The following FOXK2 variants were observed in gnomAD, a reference collection of about 807,000 sequenced individuals.
FOXK2 encodes the protein forkhead box protein K2.
Under a neutral mutation model 53.3 loss-of-function variants are expected in FOXK2, and 24 were observed. That is an observed-to-expected ratio of 0.45 (90% CI 0.33 to 0.63). The LOEUF (loss-of-function observed/expected upper bound fraction) is 0.63. FOXK2 is among the 30% of genes least tolerant of loss of function. The pLI is 0.03. For missense variants in FOXK2, 952 were observed against 910.5 expected (o/e 1.05, Z -0.59); for synonymous variants, 505 against 407.1 (o/e 1.24, Z -2.89).
chr17:82,560,944 G>A (rs1169373763), intron 1 of FOXK2, among the ~76,000 whole-genome samples: 4 of 152,194 alleles, frequency 2.6e-5, no homozygotes, highest in East Asian at 1.9e-4. Context: ...CTGGGTCATA[G>A]GGGTCTTTGT....
chr17:82,572,153 T>C (rs1312331464), intron 4 of FOXK2: 1 of 301,150 alleles, frequency 3.3e-6, no homozygotes, highest in African/African-American at 2.2e-5. Context: ...GTGTGGATTG[T>C]TTGAGATATT....
At chr17:82,566,720 C>T (rs1377378826) in intron 2 of FOXK2, among the ~76,000 whole-genome samples, 2 of 152,184 alleles carry the variant, frequency 1.3e-5, no homozygotes, top group East Asian at 1.9e-4. Context: ...TCCGCCTCTC[C>T]TCCCACCTGC....
In FOXK2 at chr17:82,582,625, C is replaced by T. The variant is rs561415475; in HGVS notation, c.910-116C>T. 1.8e-5 allele frequency: 14 copies of T among 769,098 alleles called. No homozygotes were observed. The East Asian group carries it at 3.8e-4, about 21-fold the overall frequency. The allele number at this position is 769,098 out of a possible 1,614,324, so 47.6% of individuals were successfully genotyped here. A position where few individuals can be genotyped will look rare whatever the true frequency, so the allele number is the denominator to read the frequency against. On this transcript the variant is annotated intron_variant, in intron 4 of 8. Transcript: ENST00000335255. Reference sequence around the variant, plus strand: ...GCAAAAGAAAAAAAATTCACTCTTGCAGTCTGCCAGGCCCAACATGTAGGT... The same window carrying T: ...GCAAAAGAAAAAAAATTCACTCTTGTAGTCTGCCAGGCCCAACATGTAGGT...
intron 8 of FOXK2, among the ~76,000 whole-genome samples, chr17:82,594,269 C>T (rs113231817): frequency 2.0e-5 from 3 of 152,054 alleles, no homozygotes; most frequent in South Asian, 2.1e-4. Flanking sequence ...GAGGCCGAGG[C>T]GGGCGGATCA....
chr17:82,525,911 T>C (rs1339370016), intron 1 of FOXK2, among the ~76,000 whole-genome samples: 2 of 152,150 alleles, frequency 1.3e-5, no homozygotes, highest in Non-Finnish European at 2.9e-5. Flanking sequence ...TTACGTGGCA[T>C]GAATCCCACA....
chr17:82,520,068 G>T lies in FOXK2; in HGVS notation c.180G>T (p.Ser60=). 1 of 1,542,628 alleles carries T rather than the reference G, an allele frequency of 6.5e-7. No homozygotes were observed. Among genetic ancestry groups the T allele is most frequent in the Non-Finnish European group, 8.7e-7 (1 of 1,146,482 alleles). Residue 60 remains serine, a synonymous_variant, in exon 1 of 9, where the codon TCG becomes TCT. Transcript: ENST00000335255. The part of the protein sequence containing the change: ...KKRSVTIGRN[S]SQGSVDVSMG... ...GCTCGGTGACCATCGGCCGCAACTC[G>T]TCGCAGGGCTCGGTGGACGTGAGCA...
At chr17:82,593,320 C>G (rs572538388) in intron 8 of FOXK2, 4 of 139,374 alleles carry the variant, frequency 2.9e-5, no homozygotes, top group African/African-American at 1.1e-4. Flanking sequence ...GGCTCTTATT[C>G]TGAAAGGGTA....
intron 1 of FOXK2, among the ~76,000 whole-genome samples, chr17:82,525,262 T>C (rs1254447483): frequency 6.6e-6 from 1 of 152,062 alleles, no homozygotes; most frequent in East Asian, 1.9e-4. Flanking sequence ...CTCCGCCTCC[T>C]GGGTTCTGGG....
intron 8 of FOXK2, 142 bp from the exon 9 acceptor site, chr17:82,601,161 G>A: frequency 1.1e-6 from 1 of 890,770 alleles, no homozygotes. Context: ...GCGGGCCTGG[G>A]AGTGGCAGGA....
intron 1 of FOXK2, among the ~76,000 whole-genome samples, chr17:82,530,589 C>T (rs1211018660): frequency 1.3e-5 from 2 of 148,580 alleles, no homozygotes; most frequent in East Asian, 4.0e-4. Flanking sequence ...CAGCTCACTG[C>T]AACGTCCTCC....
At position 82,601,563 on chromosome 17, in the gene FOXK2, C is replaced by T. The variant is rs189785327; in HGVS notation, c.*64C>T. The T allele has an allele frequency of 8.8e-3, 12,989 of 1,484,112 alleles. 88 individuals carry two copies. Among genetic ancestry groups the T allele is most frequent in the Middle Eastern group, 0.027 (146 of 5,474 alleles). 91.9% of individuals were successfully genotyped at this position (1,484,112 alleles called of 1,614,324 possible). ...GGTGCCAAAAGGAGACGCGGCCTCC[C>T]GCCAGCACTCGGGGGTGCAGGGCCC... On this transcript the variant is annotated 3_prime_UTR_variant, in exon 9 of 9. Coordinates refer to ENST00000335255, the MANE Select transcript of FOXK2 (RefSeq NM_004514.4).
At chr17:82,552,807 G>A (rs1007934881) in intron 1 of FOXK2, among the ~76,000 whole-genome samples, 1 of 152,172 alleles carries the variant, frequency 6.6e-6, no homozygotes, top group African/African-American at 2.4e-5. Context: ...GGGCTCTGGA[G>A]TGCAGAGTGA....
chr17:82,587,565 A>C, intron 8 of FOXK2: 1 of 439,060 alleles, frequency 2.3e-6, no homozygotes, highest in Non-Finnish European at 4.2e-6. Context: ...AAGCGGCCTG[A>C]AACGGCGGGA....
intron 1 of FOXK2, among the ~76,000 whole-genome samples, chr17:82,554,865 C>T (rs546673293): frequency 1.3e-5 from 2 of 152,232 alleles, no homozygotes; most frequent in East Asian, 3.9e-4. Flanking sequence ...CCTGCCTCAG[C>T]CTCCCAAGTA....
rs1387445777 is a variant in FOXK2, at chr17:82,568,145, G to T, written c.706G>T (p.Ala236Ser). The T allele has an allele frequency of 1.2e-6, 2 of 1,613,810 alleles. No homozygotes were observed. The highest frequency in any genetic ancestry group is 1.7e-6 in the Non-Finnish European group (2 of 1,180,006). The change falls in exon 3 of 9, where the codon GCT becomes TCT. Residue 236 changes from alanine (A) to serine (S), a missense_variant. Physicochemically the swap from Ala to Ser is moderately conservative, Grantham distance 99. Transcript: ENST00000335255. ...GATGCCATCTGACCTCAATTTAATG[G>T]CTGACAACTCACAGCCTGAAAATGA... ...RVMPSDLNLM[A>S]DNSQPENEKE...
chr17:82,537,570 G>T (rs1001379947), intron 1 of FOXK2, among the ~76,000 whole-genome samples: 2 of 129,100 alleles, frequency 1.5e-5, no homozygotes, highest in African/African-American at 5.8e-5. Context: ...AGTGAGCTGA[G>T]ATCATGCCAC....
chr17:82,548,309 T>G (rs1015087341), intron 1 of FOXK2, among the ~76,000 whole-genome samples: 1 of 152,190 alleles, frequency 6.6e-6, no homozygotes, highest in Non-Finnish European at 1.5e-5. Flanking sequence ...TCAGTCTTCT[T>G]ATATTAGCCA....
At chr17:82,556,672 C>T (rs2044728532) in intron 1 of FOXK2, among the ~76,000 whole-genome samples, 1 of 152,034 alleles carries the variant, frequency 6.6e-6, no homozygotes, top group African/African-American at 2.4e-5. Context: ...AGATGGCCAG[C>T]AGCACCTTCC....
At chr17:82,578,932 C>T (rs1334621530) in intron 4 of FOXK2, among the ~76,000 whole-genome samples, 1 of 152,172 alleles carries the variant, frequency 6.6e-6, no homozygotes, top group Non-Finnish European at 1.5e-5. Context: ...CTGTGCTAAC[C>T]TTCTTTCCTC....
Sources: gnomAD v4.1 joint callset for allele counts (sites outside exome capture counted in the v4.1 genomes callset) on GRCh38, gnomAD v4.1.1 for gene constraint, MANE v1.5 for transcripts, NCBI Gene and HGNC (gene_info 2026-07-23, HGNC 2026-07-21) for gene names.